Variants in PRRG1 observed in about 807,000 individuals in gnomAD.
PRRG1 encodes proline rich and Gla domain 1.
In PRRG1, 5 loss-of-function variants were observed where a neutral mutation model predicts 11.8. That is an observed-to-expected ratio of 0.42 (90% CI 0.22 to 0.89). PRRG1 has a LOEUF of 0.89. Ranked by LOEUF, PRRG1 falls within the 40% of genes least tolerant of loss-of-function variation. PRRG1 has a pLI of 0.28. For synonymous variants in PRRG1, 66 were observed against 60.4 expected (o/e 1.09, Z -0.43); for missense variants, 155 against 166.1 (o/e 0.93, Z 0.37).
At chrX:37,387,267 A>G (rs190476413) in intron 1 of PRRG1, among the ~76,000 whole-genome samples, 1 of 112,641 alleles carries the variant, frequency 8.9e-6, no homozygotes, top group African/African-American at 3.2e-5. Context: ...TTCCTTGAGC[A>G]CATACTAAGT....
At chrX:37,429,475 CTT>C (rs1235070876) in intron 3 of PRRG1, among the ~76,000 whole-genome samples, 1 of 111,836 alleles carries the variant, frequency 8.9e-6, no homozygotes, top group South Asian at 3.8e-4. Flanking sequence ...CCACCAGTCT[CTT>C]TGCTAAAACA....
At position 37,455,728 on chromosome X, in the gene PRRG1, A is replaced by G. The variant is rs1045934230; in HGVS notation, c.*2107A>G. On this transcript the variant is annotated 3_prime_UTR_variant, in exon 4 of 4. Coordinates refer to ENST00000378628, the MANE Select transcript of PRRG1 (RefSeq NM_001142395.2). Reference sequence around the variant, plus strand: ...CTTTTGCCATGAGTACACATCAGATATCTTTGGCTTCTATTTAAAGCTAAA... The same window carrying G: ...CTTTTGCCATGAGTACACATCAGATGTCTTTGGCTTCTATTTAAAGCTAAA... 2 of 112,931 alleles carry G rather than the reference A, an allele frequency of 1.8e-5. No individual in the cohort carries two copies. The highest frequency in any genetic ancestry group is 3.7e-5 in the Non-Finnish European group (2 of 53,408). The allele number at this position is 112,931 out of a possible 1,213,427, so 9.3% of individuals were successfully genotyped here.
chrX:37,377,238 T>A (rs1026167651), intron 1 of PRRG1, among the ~76,000 whole-genome samples: 4 of 112,225 alleles, frequency 3.6e-5, no homozygotes, highest in Non-Finnish European at 7.5e-5. Context: ...ATAAATCCTG[T>A]AATGGTGTTT....
At chrX:37,447,633 C>G (rs782040399) in intron 3 of PRRG1, among the ~76,000 whole-genome samples, 2 of 112,448 alleles carry the variant, frequency 1.8e-5, no homozygotes, top group African/African-American at 6.4e-5. Flanking sequence ...AAGTGAGATG[C>G]AACAATATCT....
At chrX:37,359,341 A>T (rs1448360222) in intron 1 of PRRG1, among the ~76,000 whole-genome samples, 4 of 107,283 alleles carry the variant, frequency 3.7e-5, no homozygotes, top group East Asian at 2.9e-4. Flanking sequence ...TTTTTTTTTT[A>T]AATCATGAAT....
At chrX:37,383,952 T>TA (rs1931236702) in intron 1 of PRRG1, among the ~76,000 whole-genome samples, 1 of 110,145 alleles carries the variant, frequency 9.1e-6, no homozygotes, top group South Asian at 3.9e-4. Flanking sequence ...TGAAGAATCT[T>TA]ACTAAAATTT....
chrX:37,412,667 A>G (rs2146590896), intron 2 of PRRG1, among the ~76,000 whole-genome samples: 1 of 110,354 alleles, frequency 9.1e-6, no homozygotes, highest in East Asian at 2.8e-4. Context: ...CAACTGCCAT[A>G]ATTTTTTCTT....
chrX:37,350,934 G>A (rs148845290), intron 1 of PRRG1, among the ~76,000 whole-genome samples: 2,398 of 110,564 alleles, frequency 0.022, 61 homozygotes, highest in African/African-American at 0.074. Context: ...GAGTGTTAGG[G>A]ATGCCTTTTC....
At chrX:37,447,863 A>G (rs5917218) in intron 3 of PRRG1, among the ~76,000 whole-genome samples, 18,088 of 111,855 alleles carry the variant, frequency 0.16, 1,850 homozygotes, top group African/African-American at 0.38. Flanking sequence ...TTTATGGAGA[A>G]GTATGCATGC....
At chrX:37,432,303 G>C (rs375263769) in intron 3 of PRRG1, among the ~76,000 whole-genome samples, 7,223 of 97,712 alleles carry the variant, frequency 0.074, 586 homozygotes, top group African/African-American at 0.34. Flanking sequence ...AGCCAGGATG[G>C]TCTCGATCTC....
chrX:37,405,173 C>A (rs187346510), intron 1 of PRRG1, among the ~76,000 whole-genome samples: 138 of 111,952 alleles, frequency 1.2e-3, no homozygotes, highest in Admixed American at 3.2e-3. Context: ...TGCCCTATTA[C>A]CAGATCAAAG....
Position 37,456,509 on chromosome X carries a change from C to T in PRRG1, c.*2888C>T, listed in dbSNP as rs1185160730. 1.8e-5 allele frequency: 2 copies of T among 112,315 alleles called. No homozygotes were observed. The highest frequency in any genetic ancestry group is 4.2e-3 in the Middle Eastern group (1 of 239). 9.3% of individuals were successfully genotyped at this position (112,315 alleles called of 1,213,427 possible). A position where few individuals can be genotyped will look rare whatever the true frequency, so the allele number is the denominator to read the frequency against. On this transcript the variant is annotated 3_prime_UTR_variant, in exon 4 of 4. Transcript: ENST00000378628. Reference sequence around the variant, plus strand: ...AGAACATTCTACTTCACAGTAATAGCTCTATCAGCCACAGATCTCATGGTG... The same window carrying T: ...AGAACATTCTACTTCACAGTAATAGTTCTATCAGCCACAGATCTCATGGTG...
intron 3 of PRRG1, among the ~76,000 whole-genome samples, chrX:37,450,199 C>T (rs1356888836): frequency 8.9e-6 from 1 of 112,139 alleles, no homozygotes; most frequent in Non-Finnish European, 1.9e-5. Flanking sequence ...TGTTGGTTTG[C>T]TCTGGTGCCA....
At chrX:37,363,783 C>T (rs1395792522) in intron 1 of PRRG1, among the ~76,000 whole-genome samples, 3 of 111,420 alleles carry the variant, frequency 2.7e-5, no homozygotes, top group Non-Finnish European at 5.7e-5. Context: ...CACTCATTCA[C>T]CCCCCAAAAC....
chrX:37,387,800 A>G (rs937762441), intron 1 of PRRG1, among the ~76,000 whole-genome samples: 10 of 111,372 alleles, frequency 9.0e-5, no homozygotes, highest in Non-Finnish European at 1.3e-4. Flanking sequence ...TGCCTTCCCA[A>G]TAGTCCCCCA....
rs1472024966 is a variant in PRRG1, at chrX:37,456,213, A to C, written c.*2592A>C. ...ACCTCATGAACAAAAGTACTTTGGC[A>C]TCCAGATTCTCAATAAATGTTAAGA... On this transcript the variant is annotated 3_prime_UTR_variant, in exon 4 of 4. Coordinates refer to ENST00000378628, the MANE Select transcript of PRRG1 (RefSeq NM_001142395.2). The C allele has an allele frequency of 8.9e-6, 1 of 112,201 alleles. No homozygotes were observed. The highest frequency in any genetic ancestry group is 3.2e-5 in the African/African-American group (1 of 30,902). 9.2% of individuals were successfully genotyped at this position (112,201 alleles called of 1,213,427 possible).
intron 2 of PRRG1, among the ~76,000 whole-genome samples, chrX:37,421,924 G>T (rs1556387153): frequency 9.0e-6 from 1 of 111,600 alleles, no homozygotes; most frequent in African/African-American, 3.3e-5. Flanking sequence ...ACTGGATTTG[G>T]CAAGTGAGAT....
intron 1 of PRRG1, among the ~76,000 whole-genome samples, chrX:37,398,248 C>T (rs973696307): frequency 1.1e-4 from 12 of 111,038 alleles, no homozygotes; most frequent in Admixed American, 1.9e-4. Flanking sequence ...GGCGGACTGA[C>T]GCCTCACACG....
Position 37,454,591 on chromosome X carries a change from T to C in PRRG1, c.*970T>C, listed in dbSNP as rs1472682815. The C allele has an allele frequency of 8.9e-6, 1 of 112,095 alleles. No homozygotes were observed. Among genetic ancestry groups the C allele is most frequent in the Non-Finnish European group, 1.9e-5 (1 of 53,283 alleles). The allele number at this position is 112,095 out of a possible 1,213,427, so 9.2% of individuals were successfully genotyped here. The stretch of plus-strand genomic sequence containing the variant: ...TTAGTTAAAATAAAATTTTTGAAAT[T>C]ATTGTCTTAATATTTTTATATAGGC... On this transcript the variant is annotated 3_prime_UTR_variant, in exon 4 of 4. Coordinates refer to ENST00000378628, the MANE Select transcript of PRRG1 (RefSeq NM_001142395.2).
Sources: gnomAD v4.1 joint callset for allele counts (sites outside exome capture counted in the v4.1 genomes callset) on GRCh38, gnomAD v4.1.1 for gene constraint, MANE v1.5 for transcripts, NCBI Gene and HGNC (gene_info 2026-07-23, HGNC 2026-07-21) for gene names.